Variants in ALKBH6 observed in about 807,000 individuals in gnomAD.
The protein encoded by ALKBH6 is probable RNA/DNA demethylase ALKBH6.
ALKBH6 carries 20 observed loss-of-function variants against 25.1 expected under a neutral mutation model. That is an observed-to-expected ratio of 0.80 (90% confidence interval 0.56 to 1.16). ALKBH6 has a LOEUF of 1.16. Among genes scored for constraint, ALKBH6 ranks in the 50% most tolerant of loss-of-function variants. The probability of loss-of-function intolerance (pLI) is 0.00; values close to 1 mark genes in which losing one functional copy is unlikely to be tolerated. For missense variants in ALKBH6, 263 were observed against 326.5 expected (o/e 0.81, Z 1.50); for synonymous variants, 156 against 147.5 (o/e 1.06, Z -0.42).
chr19:36,009,952 G>C (rs1418013293), intron 6 of ALKBH6, among the ~76,000 whole-genome samples: 3 of 152,162 alleles, frequency 2.0e-5, no homozygotes, highest in Non-Finnish European at 4.4e-5. Context: ...GGTGAGGAGA[G>C]AGTGAGGCAG....
At chr19:36,011,364 C>T (rs1315700079) in intron 4 of ALKBH6, 40 bp downstream of exon 4, 2 of 1,606,532 alleles carry the variant, frequency 1.2e-6, no homozygotes, top group African/African-American at 2.7e-5. Flanking sequence ...CCCCAGCCTA[C>T]ATCCCAGAAT....
rs2073894 is a variant in ALKBH6 at position 36,010,543 on chromosome 19, C to T, written c.453+24G>A. On this transcript the variant is annotated intron_variant, in intron 6 of 6. Transcript: ENST00000378875. The surrounding 1 kb of genome is among the most constrained non-coding windows in gnomAD (Gnocchi z 5.5). ...GCGAGGTTGAAGTGCCTACAAGCAG[C>T]TGGGGCAGTGTCTGGGGGCCCACCT... The T allele has an allele frequency of 0.35, 561,127 of 1,597,238 alleles. 102,604 individuals carry two copies. The highest frequency in any genetic ancestry group is 0.58 in the African/African-American group (43,205 of 74,542).
In ALKBH6 at chr19:36,013,532, C is replaced by T; in HGVS notation, c.-25-110G>A. The stretch of plus-strand genomic sequence containing the variant: ...GCCTCACCTCAGCCCTCTTCTGAAA[C>T]GCACTTGGTCTCTAAAATCTGAGTC... On this transcript the variant is annotated intron_variant, in intron 1 of 6. Coordinates refer to ENST00000378875, the MANE Select transcript of ALKBH6 (RefSeq NM_032878.5). The surrounding 1 kb of genome is among the most constrained non-coding windows in gnomAD (Gnocchi z 4.6). 18 of 1,507,832 alleles carry T rather than the reference C, an allele frequency of 1.2e-5. No homozygotes were observed. Among genetic ancestry groups the T allele is most frequent in the South Asian group, 6.5e-5 (5 of 77,216 alleles). The allele number at this position is 1,507,832 out of a possible 1,614,324, so 93.4% of individuals were successfully genotyped here. A position where few individuals can be genotyped will look rare whatever the true frequency, so the allele number is the denominator to read the frequency against.
Position 36,013,359 on chromosome 19 carries a change from C to G in ALKBH6, c.39G>C (p.Pro13=). The G allele has an allele frequency of 1.2e-6, 2 of 1,614,006 alleles. No homozygotes were observed. Among genetic ancestry groups the G allele is most frequent in the Non-Finnish European group, 1.7e-6 (2 of 1,179,942 alleles). ...EQDARVPALE[P]FRVEQAPPVI... ...TTCTGACAACCTGCTCCACTCTGAA[C>G]GGTTCCAGGGCTGGGACTCTGGCGT... Residue 13 remains proline (P), a synonymous_variant, in exon 2 of 7, where the codon CCG becomes CCC. Transcript: ENST00000378875. The surrounding 1 kb of genome is among the most constrained non-coding windows in gnomAD (Gnocchi z 4.6).
At position 36,009,438 on chromosome 19, in the gene ALKBH6, T is replaced by A; in HGVS notation, c.569A>T (p.Asp190Val). 1 of 1,245,236 alleles carries A rather than the reference T, an allele frequency of 8.0e-7. No homozygotes were observed. Among genetic ancestry groups the A allele is most frequent in the South Asian group, 3.7e-5 (1 of 26,974 alleles). The allele number at this position is 1,245,236 out of a possible 1,614,324, so 77.1% of individuals were successfully genotyped here. ...CGGCGAGGAGGCGGCGTCCAGCGCG[T>A]CTACGCGGGCGGCGGCGATGCCGTG... is the stretch of plus-strand genomic sequence containing the variant. ...LLHGIAAARVDALDAASSPPN... is the reference protein window; with the variant it reads ...LLHGIAAARVVALDAASSPPN... Residue 190 changes from aspartate to valine, a missense_variant, in exon 7 of 7, where the codon GAC (aspartate) becomes GTC (valine). Coordinates refer to ENST00000378875, the MANE Select transcript of ALKBH6 (RefSeq NM_032878.5).
Position 36,011,121 on chromosome 19 carries a change from A to G in ALKBH6, c.185-76T>C, listed in dbSNP as rs142171141. Reference sequence around the variant, plus strand: ...CATTAGGGATTCCACAGTGGCTGGAAGCACCCTGATCCTCTCAGGGACCCC... The same window carrying G: ...CATTAGGGATTCCACAGTGGCTGGAGGCACCCTGATCCTCTCAGGGACCCC... On this transcript the variant is annotated intron_variant, in intron 4 of 6. Coordinates refer to ENST00000378875, the MANE Select transcript of ALKBH6 (RefSeq NM_032878.5). 107 of 1,532,388 alleles carry G rather than the reference A, an allele frequency of 7.0e-5. No individual in the cohort carries two copies. The East Asian group carries it at 1.9e-3, about 28-fold the overall frequency. 94.9% of individuals were successfully genotyped at this position (1,532,388 alleles called of 1,614,324 possible).
intron 4 of ALKBH6, 91 bp downstream of exon 4, chr19:36,011,313 G>C: frequency 1.3e-6 from 2 of 1,495,224 alleles, no homozygotes; most frequent in Non-Finnish European, 1.8e-6. Flanking sequence ...AGCTGTCAGG[G>C]ACCCTCTGAT....
chr19:36,014,146 C>G, intron 1 of ALKBH6, 29 bp downstream of exon 1: 1 of 1,611,496 alleles, frequency 6.2e-7, no homozygotes, highest in Non-Finnish European at 8.5e-7. Context: ...TGACATCCAT[C>G]TCTACCCCCA....
In ALKBH6 at chr19:36,010,490, T is replaced by G. The variant is rs915396409; in HGVS notation, c.453+77A>C. The G allele has an allele frequency of 3.9e-6, 5 of 1,296,950 alleles. No homozygotes were observed. The highest frequency in any genetic ancestry group is 1.5e-5 in the African/African-American group (1 of 68,720). The allele number at this position is 1,296,950 out of a possible 1,614,324, so 80.3% of individuals were successfully genotyped here. On this transcript the variant is annotated intron_variant, in intron 6 of 6. Coordinates refer to ENST00000378875, the MANE Select transcript of ALKBH6 (RefSeq NM_032878.5). The surrounding 1 kb of genome is among the most constrained non-coding windows in gnomAD (Gnocchi z 5.5). ...GAGTGCCAGGAGTACCCCGAAGGCATGTGGGACCAGGTCATCTTGGAGGAT... is the reference window on the plus strand; with the variant it reads ...GAGTGCCAGGAGTACCCCGAAGGCAGGTGGGACCAGGTCATCTTGGAGGAT...
chr19:36,010,781 T>A lies in ALKBH6; in HGVS notation c.337-98A>T. On this transcript the variant is annotated intron_variant, in intron 5 of 6. Coordinates refer to ENST00000378875, the MANE Select transcript of ALKBH6 (RefSeq NM_032878.5). The surrounding 1 kb of genome is among the most constrained non-coding windows in gnomAD (Gnocchi z 5.5). ...CCCAAGCCAGGGACAGGGAGGTGAA[T>A]GCCTGTTTGGGAGATGTGGCTGCCT... 6.4e-7 allele frequency: 1 copy of A among 1,567,554 alleles called. No individual in the cohort carries two copies. The highest frequency in any genetic ancestry group is 8.8e-7 in the Non-Finnish European group (1 of 1,139,396).
Position 36,010,459 on chromosome 19 carries a change from C to G in ALKBH6, c.453+108G>C. On this transcript the variant is annotated intron_variant, in intron 6 of 6. Coordinates refer to ENST00000378875, the MANE Select transcript of ALKBH6 (RefSeq NM_032878.5). The surrounding 1 kb of genome is among the most constrained non-coding windows in gnomAD (Gnocchi z 5.5). Reference sequence around the variant, plus strand: ...CCCATGAGGGGACAAGGGAAGGTATCTGGGAGAGTGCCAGGAGTACCCCGA... The same window carrying G: ...CCCATGAGGGGACAAGGGAAGGTATGTGGGAGAGTGCCAGGAGTACCCCGA... The G allele has an allele frequency of 1.0e-6, 1 of 960,930 alleles. No homozygotes were observed. Among genetic ancestry groups the G allele is most frequent in the Non-Finnish European group, 1.6e-6 (1 of 615,076 alleles). 59.5% of individuals were successfully genotyped at this position (960,930 alleles called of 1,614,324 possible). A position where few individuals can be genotyped will look rare whatever the true frequency, so the allele number is the denominator to read the frequency against.
Position 36,010,480 on chromosome 19 carries a change from C to A in ALKBH6, c.453+87G>T, listed in dbSNP as rs957129542. ...GTATCTGGGAGAGTGCCAGGAGTAC[C>A]CCGAAGGCATGTGGGACCAGGTCAT... On this transcript the variant is annotated intron_variant, in intron 6 of 6. Coordinates refer to ENST00000378875, the MANE Select transcript of ALKBH6 (RefSeq NM_032878.5). This position sits in a 1 kb window ranked among gnomAD's most constrained non-coding sequence, Gnocchi z 5.5. The A allele has an allele frequency of 9.3e-6, 11 of 1,183,932 alleles. No individual in the cohort carries two copies. Among genetic ancestry groups the A allele is most frequent in the South Asian group, 1.3e-5 (1 of 75,448 alleles). The allele number at this position is 1,183,932 out of a possible 1,614,324, so 73.3% of individuals were successfully genotyped here. A position where few individuals can be genotyped will look rare whatever the true frequency, so the allele number is the denominator to read the frequency against.
In ALKBH6 at chr19:36,010,214, C is replaced by T. The variant is rs948311465; in HGVS notation, c.453+353G>A. 5 of 254,506 alleles carry T rather than the reference C, an allele frequency of 2.0e-5. No homozygotes were observed. The highest frequency in any genetic ancestry group is 5.0e-5 in the Admixed American group (1 of 19,878). 15.8% of individuals were successfully genotyped at this position (254,506 alleles called of 1,614,324 possible). A position where few individuals can be genotyped will look rare whatever the true frequency, so the allele number is the denominator to read the frequency against. Reference sequence around the variant, plus strand: ...AAATCACATTCCTGGAGTAGCAGGACGTCTGGGGCACCCTGAGCAGGGGCA... The same window carrying T: ...AAATCACATTCCTGGAGTAGCAGGATGTCTGGGGCACCCTGAGCAGGGGCA... On this transcript the variant is annotated intron_variant, in intron 6 of 6. Transcript: ENST00000378875. This position sits in a 1 kb window ranked among gnomAD's most constrained non-coding sequence, Gnocchi z 5.5.
Position 36,009,302 on chromosome 19 carries a change from C to A in ALKBH6, c.705G>T (p.Leu235=). 1.5e-6 allele frequency: 2 copies of A among 1,359,084 alleles called. No individual in the cohort carries two copies. Among genetic ancestry groups the A allele is most frequent in the South Asian group, 1.7e-5 (1 of 58,240 alleles). The allele number at this position is 1,359,084 out of a possible 1,614,324, so 84.2% of individuals were successfully genotyped here. A position where few individuals can be genotyped will look rare whatever the true frequency, so the allele number is the denominator to read the frequency against. ...RVPRVLRAGL[L]LGK The stretch of plus-strand genomic sequence containing the variant: ...CCGGCCCTGGCGGTCACTTGCCCAG[C>A]AGGAGGCCGGCGCGCAGCACGCGGG... The change falls in exon 7 of 7, where the codon CTG becomes CTT. Residue 235 remains leucine, a synonymous_variant. Transcript: ENST00000378875.
At position 36,009,565 on chromosome 19, in the gene ALKBH6, G is replaced by T. The variant is rs1968527920; in HGVS notation, c.454-12C>A. ...GGCGGAGGCCGAGGCTGCAGGGCGG[G>T]TTGAGGGTCAGCAGGGCTCAAGAAG... On this transcript the variant is annotated splice_polypyrimidine_tract_variant and intron_variant, in intron 6 of 6. Transcript: ENST00000378875. 4 of 995,568 alleles carry T rather than the reference G, an allele frequency of 4.0e-6. No homozygotes were observed. Among genetic ancestry groups the T allele is most frequent in the Middle Eastern group, 3.4e-4 (1 of 2,948 alleles). 61.7% of individuals were successfully genotyped at this position (995,568 alleles called of 1,614,324 possible).
At position 36,014,209 on chromosome 19, in the gene ALKBH6, A is replaced by T. The variant is rs1474530490; in HGVS notation, c.-60T>A. On this transcript the variant is annotated 5_prime_UTR_variant, in exon 1 of 7. The change creates a new upstream start codon in the 5' untranslated region. Transcript: ENST00000378875. Reference sequence around the variant, plus strand: ...GCGTCCCCTCCAATTTCCAAATTCAACATCCCCATCCCCCTCCCAGCCATT... The same window carrying T: ...GCGTCCCCTCCAATTTCCAAATTCATCATCCCCATCCCCCTCCCAGCCATT... 4 of 1,612,214 alleles carry T rather than the reference A, an allele frequency of 2.5e-6. No homozygotes were observed. In the Admixed American group the frequency reaches 6.7e-5, roughly 27 times the overall value.
chr19:36,013,198 G>C lies in ALKBH6; in HGVS notation c.55-109C>G. 2 of 1,436,026 alleles carry C rather than the reference G, an allele frequency of 1.4e-6. No homozygotes were observed. Among genetic ancestry groups the C allele is most frequent in the Admixed American group, 1.7e-5 (1 of 57,900 alleles). The allele number at this position is 1,436,026 out of a possible 1,614,324, so 89.0% of individuals were successfully genotyped here. On this transcript the variant is annotated intron_variant, in intron 2 of 6. Transcript: ENST00000378875. This position sits in a 1 kb window ranked among gnomAD's most constrained non-coding sequence, Gnocchi z 4.6. ...GACAGGCTCAGGATGTCCTCAGACA[G>C]GTCAGGGTCTAAAGTCAAGGGACCA...
chr19:36,010,654 C>T lies in ALKBH6; in HGVS notation c.366G>A (p.Pro122=), dbSNP rs898185207. ...AGCCCAGGCTGATGGTGCTGACAGT[C>T]GGGTAGTACAGTGGTCCGTCCTCGT... ...MPHEDGPLYY[P]TVSTISLGSH... is the part of the protein sequence containing the mutation. The change falls in exon 6 of 7, where the codon CCG becomes CCA. Residue 122 remains proline, a synonymous_variant. Transcript: ENST00000378875. This position sits in a 1 kb window ranked among gnomAD's most constrained non-coding sequence, Gnocchi z 5.5. The T allele has an allele frequency of 1.9e-6, 3 of 1,613,952 alleles. No individual in the cohort carries two copies. The highest frequency in any genetic ancestry group is 2.5e-6 in the Non-Finnish European group (3 of 1,179,922).
rs376338501 is a variant in ALKBH6, at chr19:36,014,134, A to G, written c.-26+41T>C. On this transcript the variant is annotated intron_variant, in intron 1 of 6. Coordinates refer to ENST00000378875, the MANE Select transcript of ALKBH6 (RefSeq NM_032878.5). ...CCCCCGGATCCCCACTTTCAGCCCT[A>G]TTGACATCCATCTCTACCCCCAGCA... 1.1e-5 allele frequency: 18 copies of G among 1,609,046 alleles called. No homozygotes were observed. The African/African-American group carries it at 2.0e-4, about 18-fold the overall frequency.
Sources: gnomAD v4.1 joint callset for allele counts (sites outside exome capture counted in the v4.1 genomes callset) on GRCh38, gnomAD v4.1.1 for gene constraint, Gnocchi (gnomAD v3.1) non-coding constraint, MANE v1.5 for transcripts, NCBI Gene and HGNC (gene_info 2026-07-23, HGNC 2026-07-21) for gene names.